ATG5: variants seen among roughly 807,000 people sequenced by gnomAD.
The protein encoded by ATG5 is autophagy related 5.
In ATG5, 14 loss-of-function variants were observed where a neutral mutation model predicts 36.5. The observed-to-expected ratio is 0.38, with a 90% CI of 0.25 to 0.60. The LOEUF is 0.60. Among genes scored for constraint, ATG5 ranks in the 20% least tolerant of loss-of-function variants. The pLI, the probability that ATG5 is intolerant of heterozygous loss-of-function variation, is 0.60. For synonymous variants in ATG5, 95 were observed against 101.5 expected (o/e 0.94, Z 0.38); for missense variants, 195 against 326.7 (o/e 0.60, Z 3.11).
At chr6:106,295,385 G>A (rs774221741) in intron 3 of ATG5, among the ~76,000 whole-genome samples, 1 of 151,990 alleles carries the variant, frequency 6.6e-6, no homozygotes, top group Non-Finnish European at 1.5e-5. Flanking sequence ...AAAGAACTCC[G>A]CTAGGCAAAA....
intron 1 of ATG5, among the ~76,000 whole-genome samples, chr6:106,318,550 T>C (rs1770945134): frequency 6.6e-6 from 1 of 152,218 alleles, no homozygotes; most frequent in African/African-American, 2.4e-5. Context: ...GGATTTTAAG[T>C]ACAAAAACTA....
At chr6:106,302,129 T>C (rs557517377) in intron 3 of ATG5, among the ~76,000 whole-genome samples, 15 of 152,166 alleles carry the variant, frequency 9.9e-5, no homozygotes, top group Non-Finnish European at 1.9e-4. Context: ...AAAAAGGTCA[T>C]AGTTAAGCTA....
In ATG5 at chr6:106,304,901, G is replaced by A. The variant is rs1281691601; in HGVS notation, c.236+3463C>T. On this transcript the variant is annotated intron_variant, in intron 3 of 7. Coordinates refer to ENST00000369076, the MANE Select transcript of ATG5 (RefSeq NM_004849.4). ...AAGCTCAGGAGTTCAAGACCAGCCT[G>A]GCCAATATGGTGAAACCCTGTCTCT... Among the ~76,000 whole-genome samples, 7 of 152,222 alleles carry A rather than the reference G, an allele frequency of 4.6e-5. No individual in the cohort carries two copies. In the East Asian group the frequency reaches 1.4e-3, roughly 29 times the overall value.
intron 6 of ATG5, among the ~76,000 whole-genome samples, chr6:106,220,212 T>G (rs760443984): frequency 6.6e-6 from 1 of 152,196 alleles, no homozygotes. Context: ...CCTAAAGATT[T>G]CAGGAGTTTC....
chr6:106,299,763 T>C (rs1158490050), intron 3 of ATG5, among the ~76,000 whole-genome samples: 4 of 152,238 alleles, frequency 2.6e-5, no homozygotes, highest in Admixed American at 6.5e-5. Flanking sequence ...TATAAATATC[T>C]GTACTCAGAT....
chr6:106,280,993 CA>C (rs200861048), intron 4 of ATG5, among the ~76,000 whole-genome samples: 1 of 151,714 alleles, frequency 6.6e-6, no homozygotes, highest in Non-Finnish European at 1.5e-5. Context: ...CTAAAAATGG[CA>C]AAAAAACAGC....
chr6:106,196,005 T>G (rs1361652887), intron 7 of ATG5, among the ~76,000 whole-genome samples: 1 of 152,168 alleles, frequency 6.6e-6, no homozygotes, highest in Non-Finnish European at 1.5e-5. Context: ...AAGAGCAGAA[T>G]AAAGGTGTAT....
At chr6:106,224,112 A>G (rs1157386178) in intron 6 of ATG5, among the ~76,000 whole-genome samples, 1 of 152,258 alleles carries the variant, frequency 6.6e-6, no homozygotes, top group African/African-American at 2.4e-5. Context: ...AAGTAACTTT[A>G]GAAGCACTCT....
chr6:106,300,065 T>C lies in ATG5; in HGVS notation c.237-6959A>G, dbSNP rs186308335. ...TCACAGCTTTCTAAGCCCATTCTTA[T>C]ATATGAAAAAGTTCAAAAATAATGA... On this transcript the variant is annotated intron_variant, in intron 3 of 7. Transcript: ENST00000369076. Among the ~76,000 whole-genome samples, 22 of 152,350 alleles carry C rather than the reference T, an allele frequency of 1.4e-4. 1 individual carries two copies. Among genetic ancestry groups the C allele is most frequent in the South Asian group, 6.2e-4 (3 of 4,834 alleles).
At chr6:106,208,618 C>G (rs1273105349) in intron 6 of ATG5, among the ~76,000 whole-genome samples, 1 of 150,958 alleles carries the variant, frequency 6.6e-6, no homozygotes, top group Non-Finnish European at 1.5e-5. Context: ...GAACTTAACA[C>G]TAAAGGCATG....
rs144250157 is a variant in ATG5, at chr6:106,261,112, T to TG, written c.479-12869dup. Among the ~76,000 whole-genome samples the TG allele has an allele frequency of 1.3e-3, 193 of 151,638 alleles. 1 individual carries two copies. The highest frequency in any genetic ancestry group is 4.3e-3 in the African/African-American group (179 of 41,288). On this transcript the variant is annotated intron_variant, in intron 5 of 7. Transcript: ENST00000369076. ...GCAAGTTTAAATTAGAGTTAAAGAG[T>TG]GGGAAAGAAGAGTTGTTAAAATATG... is the stretch of plus-strand genomic sequence containing the variant.
intron 3 of ATG5, among the ~76,000 whole-genome samples, chr6:106,298,871 T>C (rs1770090727): frequency 6.6e-6 from 1 of 152,160 alleles, no homozygotes; most frequent in South Asian, 2.1e-4. Context: ...CTGGCAAAAA[T>C]TAAAGGTACT....
intron 5 of ATG5, among the ~76,000 whole-genome samples, chr6:106,252,132 G>GC (rs1778618407): frequency 1.3e-5 from 2 of 152,170 alleles, no homozygotes; most frequent in South Asian, 4.1e-4. Context: ...GAGCCACCGT[G>GC]CAGAGCCAAA....
intron 4 of ATG5, among the ~76,000 whole-genome samples, chr6:106,284,422 T>C (rs548623310): frequency 6.6e-6 from 1 of 152,294 alleles, no homozygotes; most frequent in Admixed American, 6.5e-5. Context: ...AGACATGCCA[T>C]CAGGAATCAC....
At chr6:106,240,989 C>T (rs966612675) in intron 6 of ATG5, among the ~76,000 whole-genome samples, 1 of 152,038 alleles carries the variant, frequency 6.6e-6, no homozygotes, top group African/African-American at 2.4e-5. Context: ...CCTGGCTCTA[C>T]AAAAAATACA....
At chr6:106,198,786 A>AG (rs991726604) in intron 7 of ATG5, among the ~76,000 whole-genome samples, 3 of 151,934 alleles carry the variant, frequency 2.0e-5, no homozygotes, top group Admixed American at 6.6e-5. Flanking sequence ...GGAAAAAAAA[A>AG]AGAGAGAGAG....
chr6:106,323,454 T>C (rs1362382817), intron 1 of ATG5, among the ~76,000 whole-genome samples: 1 of 150,332 alleles, frequency 6.7e-6, no homozygotes, highest in African/African-American at 2.5e-5. Flanking sequence ...TTTTATTTTT[T>C]TGTAGAGACA....
chr6:106,287,016 T>C (rs900835247), intron 4 of ATG5, among the ~76,000 whole-genome samples: 1 of 152,230 alleles, frequency 6.6e-6, no homozygotes, highest in African/African-American at 2.4e-5. Context: ...AGAACAAATG[T>C]TGTTTTAAGC....
intron 2 of ATG5, among the ~76,000 whole-genome samples, chr6:106,312,654 A>G (rs1426741827): frequency 6.6e-6 from 1 of 151,730 alleles, no homozygotes; most frequent in African/African-American, 2.4e-5. Flanking sequence ...ACACACACAC[A>G]CACACATAAA....
Sources: allele counts gnomAD v4.1 joint callset (sites outside exome capture counted in the v4.1 genomes callset), GRCh38; gene constraint gnomAD v4.1.1; transcripts MANE v1.5; gene names NCBI Gene and HGNC (gene_info 2026-07-23, HGNC 2026-07-21).